PDE10A: variants seen among roughly 807,000 people sequenced by gnomAD.
The protein encoded by PDE10A is cAMP and cAMP-inhibited cGMP 3',5'-cyclic phosphodiesterase 10A.
Under a neutral mutation model 97.7 loss-of-function variants are expected in PDE10A, and 39 were observed. The ratio of observed to expected loss-of-function variants is 0.40; its 90% CI spans 0.31 to 0.52. The LOEUF is 0.52. Ranked by LOEUF, PDE10A falls within the 20% of genes least tolerant of loss-of-function variation. The pLI is 0.56. For missense variants in PDE10A, 731 were observed against 1,047.8 expected (o/e 0.70, Z 4.17); for synonymous variants, 371 against 376.8 (o/e 0.98, Z 0.18).
intron 1 of PDE10A, among the ~76,000 whole-genome samples, chr6:165,971,979 T>C (rs1032255921): frequency 1.3e-5 from 2 of 152,152 alleles, no homozygotes; most frequent in African/African-American, 4.8e-5. Context: ...TAAGGAGTGA[T>C]ACCTGACACA....
chr6:165,676,145 C>T (rs1212893738), intron 1 of PDE10A, among the ~76,000 whole-genome samples: 1 of 152,136 alleles, frequency 6.6e-6, no homozygotes, highest in Non-Finnish European at 1.5e-5. Context: ...TCAAGCACTG[C>T]ATATTCTCAC....
At chr6:165,587,519 T>G (rs1020577508) in intron 1 of PDE10A, among the ~76,000 whole-genome samples, 2 of 152,210 alleles carry the variant, frequency 1.3e-5, no homozygotes, top group Non-Finnish European at 2.9e-5. Context: ...TTTAATTCAT[T>G]GTTTCATCTT....
At chr6:165,615,129 G>A (rs1287302138) in intron 1 of PDE10A, among the ~76,000 whole-genome samples, 1 of 150,820 alleles carries the variant, frequency 6.6e-6, no homozygotes, top group African/African-American at 2.4e-5. Flanking sequence ...AGAATTGCTT[G>A]AACCCAGGAG....
chr6:165,447,175 G>T (rs1790911365), intron 5 of PDE10A, among the ~76,000 whole-genome samples: 1 of 152,086 alleles, frequency 6.6e-6, no homozygotes. Flanking sequence ...CGCAAAGTCA[G>T]CATTTTGGGC....
intron 1 of PDE10A, among the ~76,000 whole-genome samples, chr6:165,738,243 A>T (rs1411018632): frequency 6.9e-6 from 1 of 144,220 alleles, no homozygotes; most frequent in Non-Finnish European, 1.5e-5. Context: ...ATTCCCACCT[A>T]TGAGTGAGAA....
rs1778279170 is a variant in PDE10A at position 165,779,196 on chromosome 6, G to T, written c.-615+208333C>A. Among the ~76,000 whole-genome samples the T allele has an allele frequency of 2.6e-5, 4 of 152,214 alleles. No homozygotes were observed. In the South Asian group the frequency reaches 6.2e-4, roughly 24 times the overall value. The stretch of plus-strand genomic sequence containing the variant: ...GTGTGAGGTAGTGATACAAATTTTT[G>T]TTTTTTCCCCTACGCGTAACAAAGT... On this transcript the variant is annotated intron_variant, in intron 1 of 19. Coordinates refer to the PDE10A transcript ENST00000366882.
chr6:165,622,999 C>T lies in PDE10A; in HGVS notation c.865+38948G>A, dbSNP rs138863301. 5.5e-3 allele frequency among the ~76,000 whole-genome samples: 837 copies of T among 152,280 alleles called. 5 individuals carry two copies. Among genetic ancestry groups the T allele is most frequent in the African/African-American group, 0.019 (801 of 41,542 alleles). ...CCTGCTCTTGCAGGTGACGCACCTG[C>T]TCCCGCTTCACCTTCTGCCATGAGT... On this transcript the variant is annotated intron_variant, in intron 1 of 21. Coordinates refer to ENST00000539869, the MANE Select transcript of PDE10A (RefSeq NM_001385079.1).
At chr6:165,364,539 C>T (rs1783635933) in intron 18 of PDE10A, among the ~76,000 whole-genome samples, 2 of 152,152 alleles carry the variant, frequency 1.3e-5, no homozygotes, top group African/African-American at 4.8e-5. Context: ...AGAAAGAACA[C>T]ATTGATTTCT....
chr6:165,468,389 T>C (rs1778790836), intron 3 of PDE10A, among the ~76,000 whole-genome samples: 1 of 152,056 alleles, frequency 6.6e-6, no homozygotes, highest in South Asian at 2.1e-4. Flanking sequence ...CACCTGGGCA[T>C]TATTTTTAAT....
intron 1 of PDE10A, among the ~76,000 whole-genome samples, chr6:165,787,221 C>T (rs1265883782): frequency 6.6e-6 from 1 of 151,808 alleles, no homozygotes; most frequent in African/African-American, 2.4e-5. Context: ...TTAAAAAAAC[C>T]CATATAAAAA....
intron 1 of PDE10A, among the ~76,000 whole-genome samples, chr6:165,652,991 G>A (rs1789758116): frequency 1.3e-5 from 2 of 152,190 alleles, no homozygotes; most frequent in South Asian, 2.1e-4. Context: ...ATATGGACAC[G>A]CTGTGTTCAC....
intron 1 of PDE10A, among the ~76,000 whole-genome samples, chr6:165,619,899 C>T (rs565529304): frequency 1.3e-5 from 2 of 152,180 alleles, no homozygotes; most frequent in Admixed American, 1.3e-4. Flanking sequence ...GCTACATGAT[C>T]GGGCAGCTAT....
chr6:165,785,994 A>T (rs552398363), intron 1 of PDE10A, among the ~76,000 whole-genome samples: 1 of 152,396 alleles, frequency 6.6e-6, no homozygotes, highest in South Asian at 2.1e-4. Flanking sequence ...AACTCAAATT[A>T]GTGGTCACCA....
intron 5 of PDE10A, among the ~76,000 whole-genome samples, chr6:165,442,247 CTCG>C (rs1490235748): frequency 1.3e-5 from 2 of 152,102 alleles, no homozygotes; most frequent in Non-Finnish European, 2.9e-5. Context: ...CACCCATCAA[CTCG>C]TCATTTAGCA....
chr6:165,807,799 G>A (rs943900203), intron 1 of PDE10A, among the ~76,000 whole-genome samples: 30 of 152,092 alleles, frequency 2.0e-4, no homozygotes, highest in Admixed American at 6.5e-4. Flanking sequence ...AGTCAGCAAC[G>A]ATAACTTTTT....
intron 2 of PDE10A, among the ~76,000 whole-genome samples, chr6:165,532,784 C>T (rs1462560684): frequency 6.6e-6 from 1 of 152,188 alleles, no homozygotes; most frequent in Non-Finnish European, 1.5e-5. Context: ...TCCAAGAAAA[C>T]ACTTTCCAGT....
intron 1 of PDE10A, among the ~76,000 whole-genome samples, chr6:165,690,131 G>A (rs6928880): frequency 0.033 from 4,970 of 152,182 alleles, 261 homozygotes; most frequent in African/African-American, 0.11. Context: ...TTTGAATCCA[G>A]GGCTGTCTCA....
chr6:165,465,664 G>A (rs1360659590), intron 3 of PDE10A, among the ~76,000 whole-genome samples: 1 of 152,194 alleles, frequency 6.6e-6, no homozygotes, highest in African/African-American at 2.4e-5. Context: ...CAGAGCGGCA[G>A]GAGAGAGAAT....
At chr6:165,703,826 C>T (rs554313794) in intron 1 of PDE10A, among the ~76,000 whole-genome samples, 15 of 152,278 alleles carry the variant, frequency 9.9e-5, no homozygotes, top group Non-Finnish European at 1.5e-4. Flanking sequence ...CAGCCAGGGC[C>T]GACAGCCGCC....
Sources: gnomAD v4.1 joint callset for allele counts (sites outside exome capture counted in the v4.1 genomes callset) on GRCh38, gnomAD v4.1.1 for gene constraint, MANE v1.5 for transcripts, NCBI Gene and HGNC (gene_info 2026-07-23, HGNC 2026-07-21) for gene names.